Variants in GMDS observed in about 807,000 individuals in gnomAD.
GMDS encodes the protein GDP-mannose 4,6-dehydratase, also known as GDP-mannose 4,6 dehydratase.
GMDS carries 20 observed loss-of-function variants against 49.9 expected under a neutral mutation model. That is an observed-to-expected ratio of 0.40 (90% CI 0.28 to 0.58). The LOEUF is 0.58. Among genes scored for constraint, GMDS ranks in the 20% least tolerant of loss-of-function variants. GMDS has a pLI of 0.42. For missense variants in GMDS, 362 were observed against 481.4 expected (o/e 0.75, Z 2.32); for synonymous variants, 177 against 178.6 (o/e 0.99, Z 0.07).
At chr6:2,048,677 T>A (rs1262106950) in intron 4 of GMDS, among the ~76,000 whole-genome samples, 1 of 152,222 alleles carries the variant, frequency 6.6e-6, no homozygotes, top group Non-Finnish European at 1.5e-5. Context: ...TTACCTACTT[T>A]CTCTTAAGTC....
intron 4 of GMDS, among the ~76,000 whole-genome samples, chr6:2,101,681 A>T (rs973195450): frequency 1.3e-5 from 2 of 152,110 alleles, no homozygotes; most frequent in African/African-American, 4.8e-5. Context: ...CTGTGGGGGA[A>T]AAAAGGCAAT....
At chr6:2,155,675 A>G (rs966256969) in intron 1 of GMDS, among the ~76,000 whole-genome samples, 8 of 152,176 alleles carry the variant, frequency 5.3e-5, no homozygotes, top group African/African-American at 1.9e-4. Context: ...GTATTAATGG[A>G]GCACTCTGGG....
chr6:1,880,284 C>CAAAAAAAAA (rs34490393), intron 7 of GMDS, among the ~76,000 whole-genome samples: 1 of 59,112 alleles, frequency 1.7e-5, no homozygotes, highest in African/African-American at 7.2e-5. Context: ...CTCATTTCCA[C>CAAAAAAAAA]AAAAAAAAAA....
chr6:1,800,075 CCCTT>C (rs1769889143), intron 7 of GMDS, among the ~76,000 whole-genome samples: 1 of 152,182 alleles, frequency 6.6e-6, no homozygotes, highest in Non-Finnish European at 1.5e-5. Flanking sequence ...GGCCAGCCTT[CCCTT>C]CCTTCCTCCC....
intron 4 of GMDS, among the ~76,000 whole-genome samples, chr6:2,071,542 G>A (rs1328208876): frequency 6.6e-6 from 1 of 151,922 alleles, no homozygotes; most frequent in Non-Finnish European, 1.5e-5. Flanking sequence ...AAATGCTACA[G>A]GTGTACAAGA....
intron 9 of GMDS, among the ~76,000 whole-genome samples, chr6:1,658,233 T>C (rs1272404434): frequency 1.3e-5 from 2 of 152,256 alleles, no homozygotes; most frequent in African/African-American, 4.8e-5. Flanking sequence ...TTCACCGGGA[T>C]TGGGATGAAA....
At chr6:1,878,457 A>G (rs1017586039) in intron 7 of GMDS, among the ~76,000 whole-genome samples, 1 of 152,194 alleles carries the variant, frequency 6.6e-6, no homozygotes, top group Non-Finnish European at 1.5e-5. Flanking sequence ...GCTGACAACC[A>G]AAGGGGGATT....
chr6:2,190,723 C>T (rs1361126778), intron 1 of GMDS, among the ~76,000 whole-genome samples: 2 of 152,228 alleles, frequency 1.3e-5, no homozygotes, highest in Admixed American at 1.3e-4. Flanking sequence ...CAGCACCTAT[C>T]ACTGCCTATC....
chr6:2,045,475 T>C (rs76145834), intron 4 of GMDS, among the ~76,000 whole-genome samples: 1 of 152,230 alleles, frequency 6.6e-6, no homozygotes, highest in Non-Finnish European at 1.5e-5. Flanking sequence ...TCAACATGAT[T>C]TATAATTGTA....
At chr6:2,223,453 T>C (rs189031789) in intron 1 of GMDS, among the ~76,000 whole-genome samples, 1 of 125,302 alleles carries the variant, frequency 8.0e-6, no homozygotes, top group African/African-American at 3.6e-5. Context: ...TAAAACTCAC[T>C]GGCAGCAAAT....
intron 1 of GMDS, among the ~76,000 whole-genome samples, chr6:2,213,585 A>G (rs1242365832): frequency 6.6e-6 from 1 of 152,228 alleles, no homozygotes; most frequent in East Asian, 1.9e-4. Flanking sequence ...CGGAGTAAAA[A>G]AATAAAACAA....
intron 4 of GMDS, among the ~76,000 whole-genome samples, chr6:2,053,256 T>C (rs371161434): frequency 5.3e-5 from 8 of 152,246 alleles, no homozygotes; most frequent in African/African-American, 1.9e-4. Flanking sequence ...TTGTAAATGG[T>C]CAAATATATA....
chr6:2,221,389 T>C (rs1341340671), intron 1 of GMDS, among the ~76,000 whole-genome samples: 2 of 139,084 alleles, frequency 1.4e-5, no homozygotes, highest in Admixed American at 6.8e-5. Flanking sequence ...AAAATGTTCT[T>C]TTTTTTTTTG....
chr6:1,856,726 T>C (rs3800099), intron 7 of GMDS, among the ~76,000 whole-genome samples: 80,469 of 152,064 alleles, frequency 0.53, 23,019 homozygotes, highest in Admixed American at 0.64. Flanking sequence ...CTTAGAAGTG[T>C]TTGGTGTGGA....
chr6:1,637,176 G>T (rs12663903), intron 9 of GMDS, among the ~76,000 whole-genome samples: 10,321 of 152,302 alleles, frequency 0.068, 442 homozygotes, highest in Admixed American at 0.11. Flanking sequence ...GGTGTCTGGG[G>T]GAGCTGGGTG....
Position 1,659,279 on chromosome 6 carries a change from C to T in GMDS, c.988-34739G>A, listed in dbSNP as rs556549247. ...ATAAAATTCACTCGTTTCAACTGCA[C>T]GATTCAGTGGCCTTTAGTAACTTTA... On this transcript the variant is annotated intron_variant, in intron 9 of 10. Coordinates refer to ENST00000380815, the MANE Select transcript of GMDS (RefSeq NM_001500.4). Among the ~76,000 whole-genome samples, 5 of 151,846 alleles carry T rather than the reference C, an allele frequency of 3.3e-5. No individual in the cohort carries two copies. The South Asian group carries it at 8.4e-4, about 25-fold the overall frequency.
At chr6:1,672,037 C>T (rs1350234478) in intron 9 of GMDS, among the ~76,000 whole-genome samples, 3 of 152,144 alleles carry the variant, frequency 2.0e-5, no homozygotes, top group Non-Finnish European at 2.9e-5. Flanking sequence ...CAATAAATTT[C>T]AAAATGACAA....
intron 4 of GMDS, among the ~76,000 whole-genome samples, chr6:2,030,881 T>A (rs1768914636): frequency 6.6e-6 from 1 of 152,208 alleles, no homozygotes; most frequent in Non-Finnish European, 1.5e-5. Flanking sequence ...AGAACACAAG[T>A]ATTATCTTTG....
intron 6 of GMDS, 117 bp from the exon 7 acceptor site, chr6:1,930,347 C>T (rs1218266146): frequency 5.7e-6 from 4 of 696,806 alleles, no homozygotes; most frequent in South Asian, 2.1e-5. Flanking sequence ...CTCCCAGCCA[C>T]CCTGTTAAAA....
Sources: allele counts gnomAD v4.1 joint callset (sites outside exome capture counted in the v4.1 genomes callset), GRCh38; gene constraint gnomAD v4.1.1; transcripts MANE v1.5; gene names NCBI Gene and HGNC (gene_info 2026-07-23, HGNC 2026-07-21).